Variants in LINGO2 observed in about 807,000 individuals in gnomAD.
LINGO2 encodes leucine-rich repeat and immunoglobulin-like domain-containing nogo receptor-interacting protein 2.
In LINGO2, 14 loss-of-function variants were observed where a neutral mutation model predicts 30.6. The ratio of observed to expected loss-of-function variants is 0.46; its 90% CI spans 0.30 to 0.72. LINGO2 has a LOEUF of 0.72. LINGO2 is among the 30% of genes least tolerant of loss of function. The probability of loss-of-function intolerance (pLI) is 0.07; values close to 1 mark genes in which losing one functional copy is unlikely to be tolerated. For synonymous variants in LINGO2, 317 were observed against 288.5 expected, an observed-to-expected ratio of 1.10 and a Z score of -1.00; for missense variants, 729 against 751.7, an observed-to-expected ratio of 0.97 and a Z score of 0.35.
chr9:28,747,474 C>T, the LINGO2 span, among the ~76,000 whole-genome samples: 8 of 152,066 alleles, frequency 5.3e-5, no homozygotes, highest in Non-Finnish European at 1.2e-4. Context: ...GTGATTAACA[C>T]ATAAGCCATC....
chr9:29,031,490 C>T, the LINGO2 span, among the ~76,000 whole-genome samples: 1 of 151,896 alleles, frequency 6.6e-6, no homozygotes, highest in Non-Finnish European at 1.5e-5. Flanking sequence ...AGCATGTTGG[C>T]CAGGCTGGTC....
the LINGO2 span, among the ~76,000 whole-genome samples, chr9:29,009,845 G>T: frequency 1.3e-5 from 2 of 152,068 alleles, no homozygotes; most frequent in Non-Finnish European, 2.9e-5. Context: ...CAGACCAATG[G>T]AACAGAACAG....
chr9:28,334,420 C>G lies in LINGO2; in HGVS notation c.-246+38416G>C, dbSNP rs184769418. On this transcript the variant is annotated intron_variant, in intron 3 of 5. Coordinates refer to ENST00000379992, the Ensembl canonical transcript of LINGO2. The stretch of plus-strand genomic sequence containing the variant: ...TTAATGAATTCCACTAGAAAAATAT[C>G]CACAACGTATAGTTCAATAAAATAG... 2.0e-5 allele frequency among the ~76,000 whole-genome samples: 3 copies of G among 151,992 alleles called. No homozygotes were observed. In the East Asian group the frequency reaches 5.8e-4, roughly 29 times the overall value.
chr9:28,764,778 G>A, the LINGO2 span, among the ~76,000 whole-genome samples: 3 of 151,780 alleles, frequency 2.0e-5, 1 homozygote, highest in African/African-American at 7.3e-5. Context: ...AAGATCATTA[G>A]AAATAATAAA....
the LINGO2 span, among the ~76,000 whole-genome samples, chr9:28,890,008 C>G: frequency 6.6e-6 from 1 of 152,084 alleles, no homozygotes; most frequent in African/African-American, 2.4e-5. Flanking sequence ...CACAGGGTCT[C>G]TGTCCATAAA....
intron 4 of LINGO2, among the ~76,000 whole-genome samples, chr9:28,254,903 T>C (rs928722639): frequency 4.6e-5 from 7 of 152,082 alleles, no homozygotes; most frequent in Non-Finnish European, 8.8e-5. Context: ...TTTTTCCTGA[T>C]CCTCTCCCTG....
the LINGO2 span, among the ~76,000 whole-genome samples, chr9:28,792,648 C>T: frequency 6.6e-6 from 1 of 151,974 alleles, no homozygotes; most frequent in East Asian, 1.9e-4. Flanking sequence ...AAATATGTGA[C>T]AATAATTCTT....
At chr9:29,110,837 C>T in the LINGO2 span, among the ~76,000 whole-genome samples, 2 of 151,838 alleles carry the variant, frequency 1.3e-5, no homozygotes, top group Admixed American at 6.6e-5. Flanking sequence ...ACTACAGGCG[C>T]TCGCCACCAC....
chr9:28,108,347 G>A (rs1826660869), intron 4 of LINGO2, among the ~76,000 whole-genome samples: 1 of 152,122 alleles, frequency 6.6e-6, no homozygotes, highest in Non-Finnish European at 1.5e-5. Flanking sequence ...AGGCAGCCAA[G>A]TGTGCTACAA....
intron 2 of LINGO2, among the ~76,000 whole-genome samples, chr9:28,396,911 A>G (rs566703072): frequency 7.2e-5 from 11 of 152,192 alleles, no homozygotes; most frequent in African/African-American, 2.6e-4. Flanking sequence ...TTAAGAGTTC[A>G]GATTTACTCT....
chr9:27,940,342 G>A, the LINGO2 span: 4 of 152,036 alleles, frequency 2.6e-5, no homozygotes, highest in Non-Finnish European at 4.4e-5. Flanking sequence ...TTTTGATAGA[G>A]GGTCATAATT....
chr9:28,703,509 C>A, the LINGO2 span, among the ~76,000 whole-genome samples: 1 of 151,496 alleles, frequency 6.6e-6, no homozygotes. Context: ...GTTTTATGGC[C>A]AAGAATCTGG....
the LINGO2 span, among the ~76,000 whole-genome samples, chr9:28,987,415 T>C: frequency 6.6e-6 from 1 of 152,052 alleles, no homozygotes; most frequent in East Asian, 1.9e-4. Flanking sequence ...TATAATTTTA[T>C]TTATTTGAAT....
intron 1 of LINGO2, among the ~76,000 whole-genome samples, chr9:28,546,064 A>T (rs1012543894): frequency 6.6e-6 from 1 of 152,044 alleles, no homozygotes; most frequent in Non-Finnish European, 1.5e-5. Flanking sequence ...TCATGATCTC[A>T]CTTATATGTG....
intron 5 of LINGO2, among the ~76,000 whole-genome samples, chr9:27,995,668 T>C (rs984698817): frequency 2.0e-5 from 3 of 152,146 alleles, no homozygotes; most frequent in Admixed American, 6.5e-5. Context: ...CATCACTGCA[T>C]GGTAAAAACT....
the LINGO2 span, among the ~76,000 whole-genome samples, chr9:28,924,367 C>A: frequency 6.6e-6 from 1 of 152,046 alleles, no homozygotes; most frequent in Admixed American, 6.6e-5. Flanking sequence ...ACCACAGACC[C>A]GCACCACCAT....
the LINGO2 span, among the ~76,000 whole-genome samples, chr9:29,084,141 AT>A: frequency 4.6e-5 from 7 of 152,130 alleles, no homozygotes; most frequent in Non-Finnish European, 8.8e-5. Flanking sequence ...ATTTTAGACA[AT>A]TCAATTCATG....
At chr9:28,047,237 C>T (rs1824464802) in intron 4 of LINGO2, among the ~76,000 whole-genome samples, 1 of 152,064 alleles carries the variant, frequency 6.6e-6, no homozygotes, top group Non-Finnish European at 1.5e-5. Context: ...CTTTGGCTAC[C>T]CACCAACCTG....
chr9:28,915,929 G>A, the LINGO2 span, among the ~76,000 whole-genome samples: 1 of 152,082 alleles, frequency 6.6e-6, no homozygotes, highest in Non-Finnish European at 1.5e-5. Flanking sequence ...CTGATAAACG[G>A]TCGCGAATTT....
Sources: allele counts gnomAD v4.1 joint callset (sites outside exome capture counted in the v4.1 genomes callset), GRCh38; gene constraint gnomAD v4.1.1; transcripts MANE v1.5; gene names NCBI Gene and HGNC (gene_info 2026-07-23, HGNC 2026-07-21).